Variants in ERICH1 observed in about 807,000 individuals in gnomAD.
ERICH1 encodes the protein glutamate rich 1, also known as glutamate-rich protein 1.
In ERICH1, 56 loss-of-function variants were observed where a neutral mutation model predicts 39.6. That is an observed-to-expected ratio of 1.41 (90% CI 1.14 to 1.77). The LOEUF (loss-of-function observed/expected upper bound fraction) is 1.77. Among genes scored for constraint, ERICH1 ranks in the 40% most tolerant of loss-of-function variants. ERICH1 has a pLI of 0.00. For synonymous variants in ERICH1, 313 were observed against 223.6 expected, an observed-to-expected ratio of 1.40 and a Z score of -3.57; for missense variants, 826 against 575.4, an observed-to-expected ratio of 1.44 and a Z score of -4.45.
At chr8:629,183 C>T (rs111938747) in intron 3 of ERICH1, among the ~76,000 whole-genome samples, 20 of 152,300 alleles carry the variant, frequency 1.3e-4, no homozygotes, top group African/African-American at 4.6e-4. Context: ...CCACCCAGCA[C>T]CCCCTTCCTA....
At chr8:672,477 T>C (rs1325276433) in intron 4 of ERICH1, among the ~76,000 whole-genome samples, 1 of 152,190 alleles carries the variant, frequency 6.6e-6, no homozygotes, top group African/African-American at 2.4e-5. Flanking sequence ...TCAATCTTGC[T>C]CATAAGAACA....
At chr8:707,091 C>T (rs887178929) in intron 2 of ERICH1, among the ~76,000 whole-genome samples, 2 of 151,688 alleles carry the variant, frequency 1.3e-5, no homozygotes, top group African/African-American at 2.4e-5. Context: ...TACACAGCTA[C>T]AGCAATCAAA....
chr8:622,900 G>C (rs2117042886), intron 3 of ERICH1, among the ~76,000 whole-genome samples: 1 of 152,110 alleles, frequency 6.6e-6, no homozygotes, highest in East Asian at 1.9e-4. Context: ...CAAGGCTGCA[G>C]TGAGCCATGA....
chr8:698,929 C>G (rs1019725610), intron 2 of ERICH1, among the ~76,000 whole-genome samples: 1 of 146,788 alleles, frequency 6.8e-6, no homozygotes, highest in African/African-American at 2.6e-5. Context: ...ACCAGGGAGG[C>G]TCTCCAGGAT....
intron 2 of ERICH1, among the ~76,000 whole-genome samples, chr8:708,808 C>A (rs74581551): frequency 0.039 from 5,823 of 150,028 alleles, 147 homozygotes; most frequent in African/African-American, 0.067. Context: ...ACCCTCCCAC[C>A]TCAGCCTCTT....
In ERICH1 at chr8:616,890, CACACACACACACAGAG is replaced by C. The variant is rs1385904041; in HGVS notation, c.977-1622_977-1607del. ...AGAGAGAGGGAGAGGGAGACAGAGA[CACACACACACACAGAG>C]AGAGAGAGAGAGACAGAAAGAGACA... On this transcript the variant is annotated intron_variant, in intron 3 of 3. Coordinates refer to the ERICH1 transcript ENST00000522706. Among the ~76,000 whole-genome samples, 15 of 11,562 alleles carry C rather than the reference CACACACACACACAGAG, an allele frequency of 1.3e-3. 3 individuals are homozygous for C. In the East Asian group the frequency reaches 0.41, roughly 317 times the overall value. 7.6% of individuals were successfully genotyped at this position (11,562 alleles called of 152,430 possible).
chr8:716,095 AAC>A (rs1440561654), intron 1 of ERICH1, 88 bp from the exon 2 acceptor site: 5 of 1,456,952 alleles, frequency 3.4e-6, no homozygotes, highest in Non-Finnish European at 3.7e-6. Flanking sequence ...ACTCTACACA[AAC>A]ACACACATCC....
chr8:682,667 A>T (rs562981722), intron 3 of ERICH1, among the ~76,000 whole-genome samples: 1 of 152,326 alleles, frequency 6.6e-6, no homozygotes, highest in Admixed American at 6.5e-5. Context: ...AGACACACTA[A>T]CTTTAAAAGG....
chr8:623,530 T>C (rs1797414697), intron 3 of ERICH1, among the ~76,000 whole-genome samples: 1 of 152,222 alleles, frequency 6.6e-6, no homozygotes, highest in Admixed American at 6.5e-5. Context: ...ATGATAAAAA[T>C]TGTATATATT....
chr8:624,614 C>T (rs1487692193), intron 3 of ERICH1, among the ~76,000 whole-genome samples: 1 of 152,112 alleles, frequency 6.6e-6, no homozygotes, highest in Admixed American at 6.5e-5. Flanking sequence ...AGGAAAGTCA[C>T]AATCCTGGCA....
intron 2 of ERICH1, among the ~76,000 whole-genome samples, chr8:697,701 C>A (rs1434133985): frequency 6.6e-6 from 1 of 152,148 alleles, no homozygotes; most frequent in Non-Finnish European, 1.5e-5. Flanking sequence ...CCGCCCCCGC[C>A]CCCTCAGCCA....
intron 2 of ERICH1, among the ~76,000 whole-genome samples, chr8:710,920 T>C (rs2070582944): frequency 6.6e-6 from 1 of 152,222 alleles, no homozygotes; most frequent in African/African-American, 2.4e-5. Flanking sequence ...GGTAAGAGTA[T>C]GTTCAGTTGT....
chr8:695,303 C>T (rs145625137), intron 2 of ERICH1, among the ~76,000 whole-genome samples: 34 of 152,190 alleles, frequency 2.2e-4, no homozygotes, highest in African/African-American at 7.7e-4. Context: ...CTCCGCCTCC[C>T]TCTCCCCACA....
At chr8:642,114 A>G (rs1279594840) in intron 3 of ERICH1, among the ~76,000 whole-genome samples, 1 of 152,194 alleles carries the variant, frequency 6.6e-6, no homozygotes, top group Non-Finnish European at 1.5e-5. Flanking sequence ...GGGTGAGCAC[A>G]TGCAAAAAGG....
chr8:718,205 T>A (rs1816474694), intron 1 of ERICH1, among the ~76,000 whole-genome samples: 1 of 150,142 alleles, frequency 6.7e-6, no homozygotes, highest in Non-Finnish European at 1.5e-5. Flanking sequence ...TGGAGTGCAA[T>A]GACAAACCGC....
chr8:706,318 G>A (rs1299402776), intron 2 of ERICH1, among the ~76,000 whole-genome samples: 1 of 152,154 alleles, frequency 6.6e-6, no homozygotes, highest in African/African-American at 2.4e-5. Flanking sequence ...AAAATCCCTT[G>A]CATTTTCACA....
Position 687,050 on chromosome 8 carries a change from T to C in ERICH1, c.304+5428A>G, listed in dbSNP as rs530410166. 3.9e-5 allele frequency among the ~76,000 whole-genome samples: 6 copies of C among 152,356 alleles called. No homozygotes were observed. In the South Asian group the frequency reaches 1.2e-3, roughly 32 times the overall value. Reference sequence around the variant, plus strand: ...CAAAAGGCAGAGAGAGCCACGATTCTGTCAAAACAGAGCATGTACGGATGT... The same window carrying C: ...CAAAAGGCAGAGAGAGCCACGATTCCGTCAAAACAGAGCATGTACGGATGT... On this transcript the variant is annotated intron_variant, in intron 3 of 5. Transcript: ENST00000262109.
At chr8:660,076 C>A (rs985245290), downstream of ERICH1, among the ~76,000 whole-genome samples, 2 of 152,194 alleles carry the variant, frequency 1.3e-5, no homozygotes, top group East Asian at 3.9e-4. Flanking sequence ...GCTGAGGCAA[C>A]GAGGTGGGGC....
intron 3 of ERICH1, among the ~76,000 whole-genome samples, chr8:629,628 C>CA (rs11430055): frequency 0.39 from 37,326 of 96,340 alleles, 8,544 homozygotes; most frequent in South Asian, 0.46. Flanking sequence ...TGTGACCACC[C>CA]CAGAGACAGA....
Sources: allele counts gnomAD v4.1 joint callset (sites outside exome capture counted in the v4.1 genomes callset), GRCh38; gene constraint gnomAD v4.1.1; transcripts MANE v1.5; gene names NCBI Gene and HGNC (gene_info 2026-07-23, HGNC 2026-07-21).